Variants in CCDC137 observed in about 807,000 individuals in gnomAD.
CCDC137 encodes the protein coiled-coil domain containing 137.
A neutral mutation model predicts 30.4 loss-of-function variants in CCDC137; 24 were observed. The observed-to-expected ratio is 0.79, with a 90% CI of 0.57 to 1.11. The LOEUF (loss-of-function observed/expected upper bound fraction) is 1.11, where lower values mean the gene tolerates loss of function less well. Among genes scored for constraint, CCDC137 ranks in the 50% least tolerant of loss-of-function variants. The pLI is 0.00. For synonymous variants in CCDC137, 182 were observed against 155.7 expected (o/e 1.17, Z -1.26); for missense variants, 417 against 380.4 (o/e 1.10, Z -0.80).
intron 5 of CCDC137, 108 bp from the exon 6 acceptor site, chr17:81,672,387 C>G: frequency 1.8e-6 from 2 of 1,123,200 alleles, no homozygotes; most frequent in Non-Finnish European, 2.5e-6. Flanking sequence ...GGTGTGTGGC[C>G]TGAGAGTGCA....
At chr17:81,670,066 C>T (rs1465548449) in intron 2 of CCDC137, 159 bp from the exon 3 acceptor site, 33 of 619,282 alleles carry the variant, frequency 5.3e-5, no homozygotes, top group Admixed American at 8.9e-5. Context: ...CCGGGGATGC[C>T]GGGCCGGGCA....
chr17:81,668,790 T>C (rs1446292869), intron 2 of CCDC137, among the ~76,000 whole-genome samples: 2 of 152,114 alleles, frequency 1.3e-5, no homozygotes, highest in Non-Finnish European at 2.9e-5. Flanking sequence ...AACCTCCACC[T>C]CCTGGGTTTA....
At chr17:81,671,588 T>G in intron 3 of CCDC137, 156 bp from the exon 4 acceptor site, 3 of 642,994 alleles carry the variant, frequency 4.7e-6, no homozygotes, top group African/African-American at 1.8e-5. Flanking sequence ...GCTGTGGGTT[T>G]TGGGGTGGTA....
At chr17:81,669,685 G>C (rs964402697) in intron 2 of CCDC137, among the ~76,000 whole-genome samples, 1 of 151,940 alleles carries the variant, frequency 6.6e-6, no homozygotes, top group Non-Finnish European at 1.5e-5. Flanking sequence ...TCAGCCTCCC[G>C]AGTAGTTGGG....
At position 81,667,136 on chromosome 17, in the gene CCDC137, T is replaced by A. The variant is rs2036644225; in HGVS notation, c.134+236T>A. 2.4e-5 allele frequency: 10 copies of A among 413,138 alleles called. No individual in the cohort carries two copies. In the East Asian group the frequency reaches 3.7e-4, roughly 15 times the overall value. The allele number at this position is 413,138 out of a possible 1,614,324, so 25.6% of individuals were successfully genotyped here. On this transcript the variant is annotated intron_variant, in intron 1 of 5. Transcript: ENST00000329214. ...CGTCCCAGTGTCCCGTCTTTGTGGT[T>A]CTGGACGAGGTCAGGGCGGAAAGGC...
intron 3 of CCDC137, 117 bp from the exon 4 acceptor site, chr17:81,671,627 C>A: frequency 1.0e-6 from 1 of 969,822 alleles, no homozygotes; most frequent in Non-Finnish European, 1.6e-6. Context: ...AGGCAGCCAC[C>A]TGTTCTTGGG....
At chr17:81,670,043 G>A (rs532955624) in intron 2 of CCDC137, 182 bp from the exon 3 acceptor site, 33 of 598,664 alleles carry the variant, frequency 5.5e-5, no homozygotes, top group Middle Eastern at 4.5e-4. Flanking sequence ...CATTGGGCTG[G>A]GGGGTCACGT....
intron 2 of CCDC137, among the ~76,000 whole-genome samples, chr17:81,668,514 C>T (rs1427075021): frequency 6.6e-6 from 1 of 152,142 alleles, no homozygotes; most frequent in Non-Finnish European, 1.5e-5. Flanking sequence ...AAACGTGGCA[C>T]TGGTTTTACA....
intron 3 of CCDC137, 76 bp from the exon 4 acceptor site, chr17:81,671,668 G>A: frequency 6.9e-7 from 1 of 1,457,446 alleles, no homozygotes; most frequent in East Asian, 2.3e-5. Context: ...ATCCCTTGTG[G>A]GTGGGGCGGC....
At chr17:81,667,037 C>T in intron 1 of CCDC137, 137 bp downstream of exon 1, 4 of 929,722 alleles carry the variant, frequency 4.3e-6, no homozygotes, top group Non-Finnish European at 5.6e-6. Context: ...TCTGTCTGTG[C>T]CCGCGGCCCA....
In CCDC137 at chr17:81,671,758, G is replaced by A. The variant is rs1183118474; in HGVS notation, c.512G>A (p.Arg171Gln). 5 of 1,612,066 alleles carry A rather than the reference G, an allele frequency of 3.1e-6. 1 individual carries two copies. The South Asian group carries it at 3.3e-5, about 11-fold the overall frequency. The change falls in exon 4 of 6, where the codon CGA becomes CAA. Residue 171 changes from arginine (R) to glutamine (Q), a missense_variant. Coordinates refer to ENST00000329214, the MANE Select transcript of CCDC137 (RefSeq NM_199287.3). The stretch of plus-strand genomic sequence containing the variant: ...TTCTTCCCCAGGTTCCAGAAGCGGC[G>A]ACTAGATAAAGTCCGACGGAAAAAG... Reference protein sequence around the residue: ...KKAKKAFQKRRLDKVRRKKEE... With the variant: ...KKAKKAFQKRQLDKVRRKKEE...
At chr17:81,667,124 C>G (rs1229289445) in intron 1 of CCDC137, 2 of 434,908 alleles carry the variant, frequency 4.6e-6, no homozygotes, top group East Asian at 3.6e-5. Flanking sequence ...CCCAGTGTCC[C>G]GTCTTTGTGG....
Position 81,667,733 on chromosome 17 carries a change from G to GA in CCDC137, c.140dup (p.Lys48GlufsTer36). 6.2e-7 allele frequency: 1 copy of GA among 1,613,872 alleles called. No homozygotes were observed. Among genetic ancestry groups the GA allele is most frequent in the Non-Finnish European group, 8.5e-7 (1 of 1,179,978 alleles). On this transcript the variant is annotated frameshift_variant, in exon 2 of 6. Coordinates refer to ENST00000329214, the MANE Select transcript of CCDC137 (RefSeq NM_199287.3). LOFTEE classifies it high-confidence loss of function. ...CCCCCGTGTTCTTTCTCCCAGCAAA[G>GA]AGAAGAAGAAAGTGAACTGCAAGCC... is the stretch of plus-strand genomic sequence containing the variant.
intron 2 of CCDC137, 90 bp downstream of exon 2, chr17:81,667,952 G>C (rs944352646): frequency 6.9e-7 from 1 of 1,458,400 alleles, no homozygotes; most frequent in African/African-American, 1.4e-5. Flanking sequence ...TTCAGGCAGA[G>C]GAAATATGCC....
Position 81,672,518 on chromosome 17 carries a change from G to T in CCDC137, c.684G>T (p.Leu228=). Residue 228 remains leucine, a synonymous_variant, in exon 6 of 6, where the codon CTG becomes CTT. Coordinates refer to ENST00000329214, the MANE Select transcript of CCDC137 (RefSeq NM_199287.3). ...AGCCTGGCAGGAGATCGCAGATGCT[G>T]CGGATGCTTCTGAGCCCCGGTGGTG... ...KDQPGRRSQM[L]RMLLSPGGVS... is the part of the protein sequence containing the mutation. The T allele has an allele frequency of 6.4e-7, 1 of 1,562,822 alleles. No homozygotes were observed.
intron 2 of CCDC137, 85 bp downstream of exon 2, chr17:81,667,947 G>C (rs367871032): frequency 6.8e-5 from 101 of 1,493,158 alleles, no homozygotes; most frequent in Non-Finnish European, 8.8e-5. Flanking sequence ...AACGTTTCAG[G>C]CAGAGGAAAT....
chr17:81,672,291 G>T, intron 5 of CCDC137, 136 bp downstream of exon 5: 1 of 1,006,762 alleles, frequency 9.9e-7, no homozygotes. Flanking sequence ...GATTGCTTGA[G>T]CCCAGGAGTT....
At position 81,672,553 on chromosome 17, in the gene CCDC137, C is replaced by G; in HGVS notation, c.719C>G (p.Pro240Arg). The G allele has an allele frequency of 6.4e-7, 1 of 1,571,616 alleles. No individual in the cohort carries two copies. The highest frequency in any genetic ancestry group is 8.6e-7 in the Non-Finnish European group (1 of 1,158,402). The change falls in exon 6 of 6, where the codon CCT becomes CGT. Residue 240 changes from proline to arginine, a missense_variant. Physicochemically the swap from Pro to Arg is moderately radical, Grantham distance 103. Transcript: ENST00000329214. ...CTGAGCCCCGGTGGTGTGTCCCAGC[C>G]TCTGACCGCCTCCCTGGCCCGCCAG... is the stretch of plus-strand genomic sequence containing the variant. ...MLLSPGGVSQ[P>R]LTASLARQRI...
rs1175397389 is a variant in CCDC137, at chr17:81,666,882, C to T, written c.116C>T (p.Pro39Leu). 5.4e-6 allele frequency: 7 copies of T among 1,285,134 alleles called. No individual in the cohort carries two copies. The highest frequency in any genetic ancestry group is 2.4e-5 in the South Asian group (1 of 41,502). 79.6% of individuals were successfully genotyped at this position (1,285,134 alleles called of 1,614,324 possible). ...CCGCTGGGGAAGCAGCGCCCAGCCC[C>T]GTGGCCCGGGCTTCGCAGGTGACTG... Reference protein sequence around the residue: ...VQPLGKQRPAPWPGLRSKEKK... With the variant: ...VQPLGKQRPALWPGLRSKEKK... The change falls in exon 1 of 6, where the codon CCG becomes CTG. Residue 39 changes from proline to leucine, a missense_variant. By Grantham distance (98) the Pro-to-Leu change is moderately conservative. Transcript: ENST00000329214.
Sources: allele counts gnomAD v4.1 joint callset (sites outside exome capture counted in the v4.1 genomes callset), GRCh38; gene constraint gnomAD v4.1.1; transcripts MANE v1.5; gene names NCBI Gene and HGNC (gene_info 2026-07-23, HGNC 2026-07-21).